Variants in PDXDC1 observed in about 807,000 individuals in gnomAD.
The protein encoded by PDXDC1 is pyridoxal-dependent decarboxylase domain-containing protein 1.
A neutral mutation model predicts 100.1 loss-of-function variants in PDXDC1; 42 were observed. The ratio of observed to expected loss-of-function variants is 0.42; its 90% CI spans 0.33 to 0.54. PDXDC1 has a LOEUF of 0.54. Among genes scored for constraint, PDXDC1 ranks in the 20% least tolerant of loss-of-function variants. The probability of loss-of-function intolerance (pLI) is 0.10; values close to 1 mark genes in which losing one functional copy is unlikely to be tolerated. For missense variants in PDXDC1, 636 were observed against 979.2 expected, an observed-to-expected ratio of 0.65 and a Z score of 4.68; for synonymous variants, 260 against 371.7, an observed-to-expected ratio of 0.70 and a Z score of 3.46.
downstream of PDXDC1, chr16:15,038,376 T>C: frequency 1.6e-6 from 1 of 620,758 alleles, no homozygotes; most frequent in South Asian, 2.2e-5. Flanking sequence ...CTTACTGCTT[T>C]ACCCACACAC....
intron 16 of PDXDC1, chr16:15,127,938 C>G: frequency 6.9e-6 from 10 of 1,451,616 alleles, no homozygotes; most frequent in Non-Finnish European, 8.6e-6. Flanking sequence ...GGCCACGGGG[C>G]AGGACCACCC....
chr16:15,131,075 C>A (rs778048807), intron 16 of PDXDC1: 22 of 1,603,836 alleles, frequency 1.4e-5, no homozygotes, highest in East Asian at 2.2e-5. Context: ...GTGCCTCACC[C>A]GCTGCACGCA....
intron 5 of PDXDC1, among the ~76,000 whole-genome samples, chr16:15,005,638 T>G (rs1267212787): frequency 6.6e-6 from 1 of 152,282 alleles, no homozygotes; most frequent in Admixed American, 6.5e-5. Context: ...ATTGAAATTG[T>G]CCATCCTCCT....
intron 16 of PDXDC1, chr16:15,125,493 C>T (rs1040958424): frequency 4.8e-5 from 60 of 1,247,238 alleles, no homozygotes; most frequent in Non-Finnish European, 6.1e-5. Context: ...CGCACACCCC[C>T]GGTACTCCAG....
chr16:15,134,918 G>A (rs995300041), intron 16 of PDXDC1: 4 of 367,864 alleles, frequency 1.1e-5, no homozygotes, highest in African/African-American at 8.4e-5. Context: ...AAGCCTCCTG[G>A]CCGGTCCAGA....
intron 16 of PDXDC1, chr16:15,047,786 C>T (rs760035333): frequency 2.5e-5 from 33 of 1,322,752 alleles, no homozygotes; most frequent in Middle Eastern, 4.1e-4. Context: ...AAACTCAACA[C>T]GAGAAATTCA....
chr16:15,027,334 C>T (rs1398521793), intron 14 of PDXDC1, among the ~76,000 whole-genome samples: 4 of 152,282 alleles, frequency 2.6e-5, no homozygotes, highest in African/African-American at 7.2e-5. Context: ...GGGGCTCCGA[C>T]CCCATGGCAG....
chr16:15,012,253 G>A (rs1165820989), intron 8 of PDXDC1, among the ~76,000 whole-genome samples: 1 of 150,766 alleles, frequency 6.6e-6, no homozygotes, highest in East Asian at 2.0e-4. Flanking sequence ...ACAGGCATGT[G>A]CCACCACACC....
chr16:15,015,501 G>C (rs1304595548), intron 8 of PDXDC1, among the ~76,000 whole-genome samples: 1 of 152,118 alleles, frequency 6.6e-6, no homozygotes, highest in East Asian at 2.0e-4. Flanking sequence ...TGGATCACGA[G>C]GTCAGGAGTT....
At chr16:15,064,894 C>T (rs1458810844) in intron 16 of PDXDC1, among the ~76,000 whole-genome samples, 2 of 152,160 alleles carry the variant, frequency 1.3e-5, no homozygotes, top group Admixed American at 6.5e-5. Context: ...TGGCCGGGCG[C>T]GGTGGCTCAC....
chr16:15,084,959 A>G (rs1327109600), intron 16 of PDXDC1, among the ~76,000 whole-genome samples: 10 of 152,090 alleles, frequency 6.6e-5, no homozygotes, highest in Admixed American at 6.6e-4. Context: ...CCATCTACTC[A>G]GGAGGCTGAA....
At position 15,036,396 on chromosome 16, in the gene PDXDC1, T is replaced by C; in HGVS notation, c.*121T>C. On this transcript the variant is annotated 3_prime_UTR_variant, in exon 23 of 23. Transcript: ENST00000396410. The stretch of plus-strand genomic sequence containing the variant: ...ACTGTTGTTTGTGCTTCACTGGGAT[T>C]TTGGCACAAATATGTGCCTGAAAGG... 4 of 1,040,806 alleles carry C rather than the reference T, an allele frequency of 3.8e-6. No homozygotes were observed. Among genetic ancestry groups the C allele is most frequent in the Non-Finnish European group, 5.6e-6 (4 of 710,838 alleles). 64.5% of individuals were successfully genotyped at this position (1,040,806 alleles called of 1,614,324 possible).
intron 1 of PDXDC1, among the ~76,000 whole-genome samples, chr16:14,976,104 G>A (rs1179741489): frequency 1.3e-5 from 2 of 152,290 alleles, no homozygotes; most frequent in Non-Finnish European, 2.9e-5. Flanking sequence ...CCAGTGTTAG[G>A]GCTTGTAAAT....
chr16:14,999,558 T>C (rs570998043), intron 3 of PDXDC1, among the ~76,000 whole-genome samples: 1 of 152,362 alleles, frequency 6.6e-6, no homozygotes, highest in East Asian at 1.9e-4. Flanking sequence ...ATAAAAGTGA[T>C]ATACAAATTC....
intron 16 of PDXDC1, chr16:15,056,027 C>G: frequency 2.3e-6 from 2 of 851,730 alleles, no homozygotes; most frequent in Non-Finnish European, 3.0e-6. Context: ...CGCTTTGCAG[C>G]CCCGGGCCGC....
chr16:15,125,973 C>T (rs971471113), intron 16 of PDXDC1: 61 of 601,708 alleles, frequency 1.0e-4, no homozygotes, highest in Non-Finnish European at 1.4e-4. Flanking sequence ...GGCAGCCCCT[C>T]GCGACGTGTG....
At chr16:15,141,690 C>T (rs1002465378), downstream of PDXDC1, among the ~76,000 whole-genome samples, 2 of 152,222 alleles carry the variant, frequency 1.3e-5, no homozygotes, top group African/African-American at 4.8e-5. Context: ...GAGGTGCTCC[C>T]CACTGCCCAT....
intron 16 of PDXDC1, among the ~76,000 whole-genome samples, chr16:15,072,019 G>T (rs994634285): frequency 1.3e-5 from 2 of 152,166 alleles, no homozygotes; most frequent in Non-Finnish European, 2.9e-5. Flanking sequence ...CTAACGCACA[G>T]CTGGTATTTG....
intron 8 of PDXDC1, among the ~76,000 whole-genome samples, chr16:15,012,569 T>C (rs1400327807): frequency 6.6e-6 from 1 of 152,290 alleles, no homozygotes; most frequent in East Asian, 1.9e-4. Context: ...ATGGAGAAAT[T>C]ACAGGTGGCT....
Sources: allele counts gnomAD v4.1 joint callset (sites outside exome capture counted in the v4.1 genomes callset), GRCh38; gene constraint gnomAD v4.1.1; transcripts MANE v1.5; gene names NCBI Gene and HGNC (gene_info 2026-07-23, HGNC 2026-07-21).